The following PCDH15 variants were observed in gnomAD, a reference collection of about 807,000 sequenced individuals.
PCDH15 encodes the protein protocadherin related 15.
Under a neutral mutation model 178.5 loss-of-function variants are expected in PCDH15, and 129 were observed. That is an observed-to-expected ratio of 0.72 (90% confidence interval 0.63 to 0.84). PCDH15 has a LOEUF of 0.84. PCDH15 is among the 40% of genes least tolerant of loss of function. PCDH15 has a pLI of 0.00. For missense variants in PCDH15, 2,230 were observed against 2,099.9 expected, an observed-to-expected ratio of 1.06 and a Z score of -1.21; for synonymous variants, 800 against 732.0, an observed-to-expected ratio of 1.09 and a Z score of -1.50.
chr10:54,093,235 C>T (rs915423727), intron 15 of PCDH15, among the ~76,000 whole-genome samples: 20 of 152,046 alleles, frequency 1.3e-4, no homozygotes, highest in African/African-American at 1.2e-4. Flanking sequence ...AGGTTATGCC[C>T]ATATTGGAAA....
At chr10:53,913,394 G>A (rs1187860474) in intron 25 of PCDH15, among the ~76,000 whole-genome samples, 1 of 151,928 alleles carries the variant, frequency 6.6e-6, no homozygotes, top group Non-Finnish European at 1.5e-5. Context: ...AACACCAAAA[G>A]CAATGGCACC....
chr10:54,759,662 A>G (rs1236251815), intron 1 of PCDH15, among the ~76,000 whole-genome samples: 1 of 152,230 alleles, frequency 6.6e-6, no homozygotes, highest in Non-Finnish European at 1.5e-5. Flanking sequence ...AAGTAAATTG[A>G]CAAAATCCTT....
intron 2 of PCDH15, among the ~76,000 whole-genome samples, chr10:55,158,186 A>G (rs1591951727): frequency 1.3e-5 from 2 of 151,676 alleles, no homozygotes; most frequent in African/African-American, 4.8e-5. Flanking sequence ...ACACATTTGT[A>G]TGTATACAAA....
chr10:54,256,264 A>G (rs1382175459), intron 8 of PCDH15, among the ~76,000 whole-genome samples: 2 of 150,092 alleles, frequency 1.3e-5, no homozygotes, highest in Non-Finnish European at 3.0e-5. Context: ...CAGAAAAGAT[A>G]AAAAAAAGCA....
chr10:54,230,884 C>T (rs1331543864), intron 9 of PCDH15, among the ~76,000 whole-genome samples: 2 of 152,036 alleles, frequency 1.3e-5, no homozygotes, highest in African/African-American at 4.8e-5. Flanking sequence ...TATAAGAGTA[C>T]TTAATACTAC....
intron 2 of PCDH15, among the ~76,000 whole-genome samples, chr10:54,581,077 G>T (rs1236070922): frequency 6.6e-6 from 1 of 151,964 alleles, no homozygotes; most frequent in Admixed American, 6.6e-5. Context: ...TCTATTCAAT[G>T]CAGTACTGGA....
intron 2 of PCDH15, among the ~76,000 whole-genome samples, chr10:55,124,021 C>T (rs1336129338): frequency 6.6e-6 from 1 of 152,120 alleles, no homozygotes; most frequent in African/African-American, 2.4e-5. Flanking sequence ...CACGTATACA[C>T]ATATACTTCC....
chr10:54,189,208 G>T (rs1212163055), intron 11 of PCDH15, among the ~76,000 whole-genome samples: 1 of 151,644 alleles, frequency 6.6e-6, no homozygotes, highest in Non-Finnish European at 1.5e-5. Context: ...AACCAATGAA[G>T]TAAGTATATT....
At chr10:54,452,325 C>A (rs2076531118) in intron 3 of PCDH15, 1 of 151,870 alleles carries the variant, frequency 6.6e-6, no homozygotes. Context: ...TTCACAATTG[C>A]CTTTTTCTTT....
chr10:54,138,056 G>T (rs1275351493), intron 14 of PCDH15, among the ~76,000 whole-genome samples: 1 of 152,146 alleles, frequency 6.6e-6, no homozygotes, highest in Non-Finnish European at 1.5e-5. Context: ...ACCCGGATAG[G>T]TGAGTGTCAG....
At position 54,739,247 on chromosome 10, in the gene PCDH15, A is replaced by T. The variant is rs577383735; in HGVS notation, c.-29+61678T>A. 2.8e-4 allele frequency among the ~76,000 whole-genome samples: 43 copies of T among 152,144 alleles called. No homozygotes were observed. The South Asian group carries it at 8.9e-3, about 32-fold the overall frequency. On this transcript the variant is annotated intron_variant, in intron 1 of 37. Transcript: ENST00000644397. ...GTTGCTACAAAATCAACATACAACA[A>T]TTAATAACATTTCTATATTCCAGCA...
chr10:54,136,990 T>C (rs544030161), intron 14 of PCDH15, among the ~76,000 whole-genome samples: 1 of 152,344 alleles, frequency 6.6e-6, no homozygotes, highest in African/African-American at 2.4e-5. Context: ...ACCAGGCTTC[T>C]TGAGGGTTAC....
chr10:54,221,438 T>C (rs1591263560), intron 9 of PCDH15, among the ~76,000 whole-genome samples: 1 of 152,164 alleles, frequency 6.6e-6, no homozygotes, highest in East Asian at 1.9e-4. Flanking sequence ...ATCAAGATAG[T>C]ATCACCATGA....
chr10:53,852,305 C>T (rs1404540097), intron 28 of PCDH15, among the ~76,000 whole-genome samples: 2 of 152,078 alleles, frequency 1.3e-5, no homozygotes, highest in African/African-American at 4.8e-5. Context: ...TAAAAAACCA[C>T]AAGCCTTACA....
chr10:54,857,007 T>C lies in PCDH15; in HGVS notation c.-29+40443A>G, dbSNP rs111332783. 1.4e-3 allele frequency among the ~76,000 whole-genome samples: 206 copies of C among 152,282 alleles called. 1 individual carries two copies. Among genetic ancestry groups the C allele is most frequent in the African/African-American group, 4.5e-3 (185 of 41,568 alleles). On this transcript the variant is annotated intron_variant, in intron 3 of 5. Transcript: ENST00000458638. Reference sequence around the variant, plus strand: ...CCTTCTTATCCTTAAATCTGAAAAATGCTGACACAACCCTCTGAGGACTTT... The same window carrying C: ...CCTTCTTATCCTTAAATCTGAAAAACGCTGACACAACCCTCTGAGGACTTT...
chr10:55,069,461 T>G (rs1255363957), intron 2 of PCDH15, among the ~76,000 whole-genome samples: 1 of 121,428 alleles, frequency 8.2e-6, no homozygotes, highest in Non-Finnish European at 1.6e-5. Context: ...CAGAGTGTGA[T>G]GTTCCCCTTC....
chr10:55,077,398 T>TTCCTTCCTTCCTTCCTTC (rs1841923561), intron 2 of PCDH15, among the ~76,000 whole-genome samples: 15 of 137,530 alleles, frequency 1.1e-4, no homozygotes, highest in African/African-American at 4.1e-4. Context: ...TGGTTTTCTC[T>TTCCTTCCTTCCTTCCTTC]CTTCCTTCCT....
intron 17 of PCDH15, among the ~76,000 whole-genome samples, chr10:54,071,276 T>C (rs547078011): frequency 2.5e-4 from 38 of 152,226 alleles, no homozygotes; most frequent in African/African-American, 9.1e-4. Flanking sequence ...TAGCATATGT[T>C]TAGCTATGTA....
intron 2 of PCDH15, among the ~76,000 whole-genome samples, chr10:55,023,096 C>G (rs1483620076): frequency 6.6e-6 from 1 of 152,110 alleles, no homozygotes; most frequent in Admixed American, 6.6e-5. Context: ...CGCCCGCCAC[C>G]ACGCCCGGTG....
Sources: gnomAD v4.1 joint callset for allele counts (sites outside exome capture counted in the v4.1 genomes callset) on GRCh38, gnomAD v4.1.1 for gene constraint, MANE v1.5 for transcripts, NCBI Gene and HGNC (gene_info 2026-07-23, HGNC 2026-07-21) for gene names.